The following COL25A1 variants were observed in gnomAD, a reference collection of about 807,000 sequenced individuals.
The protein encoded by COL25A1 is collagen type XXV alpha 1 chain.
In COL25A1, 103 loss-of-function variants were observed where a neutral mutation model predicts 128.4. The observed-to-expected ratio is 0.80, with a 90% confidence interval of 0.68 to 0.94. The LOEUF is 0.94. COL25A1 is among the 40% of genes least tolerant of loss of function. COL25A1 has a pLI of 0.00. For missense variants in COL25A1, 745 were observed against 840.0 expected, an observed-to-expected ratio of 0.89 and a Z score of 1.40; for synonymous variants, 279 against 277.2, an observed-to-expected ratio of 1.01 and a Z score of -0.06.
At chr4:109,088,371 T>C (rs530765438) in intron 3 of COL25A1, among the ~76,000 whole-genome samples, 27 of 152,336 alleles carry the variant, frequency 1.8e-4, no homozygotes, top group Admixed American at 1.4e-3. Flanking sequence ...AATCAGTGGT[T>C]CTGAGATCTT....
chr4:108,925,926 C>T (rs1745999973), intron 11 of COL25A1, among the ~76,000 whole-genome samples: 1 of 152,090 alleles, frequency 6.6e-6, no homozygotes, highest in South Asian at 2.1e-4. Flanking sequence ...GTCCCTAATG[C>T]ACTTCAGAAA....
intron 5 of COL25A1, among the ~76,000 whole-genome samples, chr4:109,019,369 C>CATATATATATAT (rs1320479600): frequency 9.7e-4 from 9 of 9,232 alleles, no homozygotes; most frequent in Admixed American, 2.1e-3. Flanking sequence ...CACACACACA[C>CATATATATATAT]ACACACATAT....
intron 3 of COL25A1, among the ~76,000 whole-genome samples, chr4:109,163,444 G>T (rs1468910991): frequency 6.6e-6 from 1 of 152,150 alleles, no homozygotes; most frequent in Non-Finnish European, 1.5e-5. Context: ...GAATATGCAA[G>T]GTGGGACATG....
chr4:109,085,543 A>C (rs976560146), intron 3 of COL25A1, among the ~76,000 whole-genome samples: 2 of 152,304 alleles, frequency 1.3e-5, no homozygotes, highest in Non-Finnish European at 2.9e-5. Context: ...TGCATTAAAC[A>C]TACTGCTCTT....
intron 6 of COL25A1, among the ~76,000 whole-genome samples, chr4:108,999,740 G>A (rs1457893094): frequency 6.6e-6 from 1 of 152,166 alleles, no homozygotes; most frequent in Non-Finnish European, 1.5e-5. Context: ...TGATAGACTG[G>A]ATTAAGAAAA....
At chr4:108,882,006 G>A (rs1483766368) in intron 19 of COL25A1, among the ~76,000 whole-genome samples, 2 of 152,062 alleles carry the variant, frequency 1.3e-5, no homozygotes, top group Non-Finnish European at 2.9e-5. Context: ...CAGCAGTCAA[G>A]GAGAGAAAAA....
intron 6 of COL25A1, among the ~76,000 whole-genome samples, chr4:109,004,122 C>T (rs531882882): frequency 6.6e-6 from 1 of 152,250 alleles, no homozygotes; most frequent in South Asian, 2.1e-4. Flanking sequence ...ACCATTTTCT[C>T]ACCCATTTAG....
intron 5 of COL25A1, among the ~76,000 whole-genome samples, chr4:109,030,754 T>TTTG (rs150720966): frequency 0.03 from 4,537 of 151,800 alleles, 223 homozygotes; most frequent in African/African-American, 0.1. Flanking sequence ...AAAACTTCAT[T>TTTG]TTGTTGTTGT....
At chr4:109,218,023 G>C (rs1004301925) in intron 3 of COL25A1, among the ~76,000 whole-genome samples, 7 of 152,030 alleles carry the variant, frequency 4.6e-5, no homozygotes, top group Admixed American at 6.6e-5. Flanking sequence ...GTGCTGTGGC[G>C]ATCTGGCTCC....
chr4:109,135,110 G>A (rs1254804344), intron 3 of COL25A1, among the ~76,000 whole-genome samples: 7 of 150,692 alleles, frequency 4.6e-5, no homozygotes, highest in African/African-American at 1.7e-4. Flanking sequence ...TGGTGATCAA[G>A]TGTGAACTGG....
At chr4:109,212,142 T>C (rs1206376570) in intron 3 of COL25A1, among the ~76,000 whole-genome samples, 2 of 152,152 alleles carry the variant, frequency 1.3e-5, no homozygotes, top group Admixed American at 6.6e-5. Flanking sequence ...CCATTGCTCA[T>C]AGCAAACCAC....
intron 3 of COL25A1, among the ~76,000 whole-genome samples, chr4:109,168,017 T>C (rs1257716973): frequency 6.6e-6 from 1 of 152,118 alleles, no homozygotes; most frequent in Non-Finnish European, 1.5e-5. Flanking sequence ...ACAGTAATAG[T>C]TGGTTTTTTA....
intron 13 of COL25A1, among the ~76,000 whole-genome samples, chr4:108,913,730 A>G (rs1358074): frequency 0.77 from 116,560 of 151,988 alleles, 45,265 homozygotes; most frequent in East Asian, 1. Flanking sequence ...TTTAAAAACC[A>G]ACATCTAAGT....
chr4:109,299,029 T>A (rs1725255038), intron 3 of COL25A1, among the ~76,000 whole-genome samples: 1 of 152,228 alleles, frequency 6.6e-6, no homozygotes, highest in South Asian at 2.1e-4. Context: ...ACATTAAACA[T>A]CACGAAACAA....
chr4:109,262,492 C>T (rs1461984463), intron 3 of COL25A1, among the ~76,000 whole-genome samples: 7 of 151,824 alleles, frequency 4.6e-5, no homozygotes, highest in East Asian at 1.9e-4. Context: ...CCAGCCTGGG[C>T]GACAGAGTTA....
At chr4:109,099,301 T>C (rs2126019715) in intron 3 of COL25A1, among the ~76,000 whole-genome samples, 1 of 152,308 alleles carries the variant, frequency 6.6e-6, no homozygotes, top group South Asian at 2.1e-4. Flanking sequence ...CATAAAAGTT[T>C]TGTTAAACTG....
intron 3 of COL25A1, among the ~76,000 whole-genome samples, chr4:109,288,538 G>A (rs1405939400): frequency 1.3e-5 from 2 of 151,936 alleles, no homozygotes; most frequent in Admixed American, 1.3e-4. Flanking sequence ...ATTATTAATA[G>A]GGTGGTTCCC....
intron 3 of COL25A1, among the ~76,000 whole-genome samples, chr4:109,269,687 C>T (rs1297942): frequency 0.37 from 55,894 of 151,462 alleles, 13,964 homozygotes; most frequent in African/African-American, 0.68. Context: ...TGGCCAGTGA[C>T]GGTGAACATT....
intron 6 of COL25A1, among the ~76,000 whole-genome samples, chr4:108,995,037 C>T (rs1754620538): frequency 6.6e-6 from 1 of 152,048 alleles, no homozygotes; most frequent in Non-Finnish European, 1.5e-5. Context: ...GCTGAAAATT[C>T]AAAAAAACAG....
Sources: gnomAD v4.1 joint callset for allele counts (sites outside exome capture counted in the v4.1 genomes callset) on GRCh38, gnomAD v4.1.1 for gene constraint, MANE v1.5 for transcripts, NCBI Gene and HGNC (gene_info 2026-07-23, HGNC 2026-07-21) for gene names.